The following LRRC4C variants were observed in gnomAD, a reference collection of about 807,000 sequenced individuals.
LRRC4C encodes leucine rich repeat containing 4C.
A neutral mutation model predicts 33.6 loss-of-function variants in LRRC4C; 5 were observed. The observed-to-expected ratio is 0.15, with a 90% CI of 0.08 to 0.31. LRRC4C has a LOEUF of 0.31. LRRC4C is among the 10% of genes least tolerant of loss of function. LRRC4C has a pLI of 1.00. For synonymous variants in LRRC4C, 329 were observed against 302.0 expected, an observed-to-expected ratio of 1.09 and a Z score of -0.93; for missense variants, 560 against 796.7, an observed-to-expected ratio of 0.70 and a Z score of 3.58.
chr11:40,941,926 T>C (rs1958166726), intron 1 of LRRC4C, among the ~76,000 whole-genome samples: 1 of 152,100 alleles, frequency 6.6e-6, no homozygotes, highest in Non-Finnish European at 1.5e-5. Context: ...GCTATGTTAG[T>C]TCAAGTCCAT....
intron 2 of LRRC4C, among the ~76,000 whole-genome samples, chr11:40,748,840 T>C (rs1470181142): frequency 6.6e-6 from 1 of 152,104 alleles, no homozygotes; most frequent in African/African-American, 2.4e-5. Context: ...TATACATATA[T>C]TGATTAAACC....
chr11:40,342,103 A>G (rs1371279814), intron 3 of LRRC4C, among the ~76,000 whole-genome samples: 3 of 152,212 alleles, frequency 2.0e-5, no homozygotes, highest in Non-Finnish European at 4.4e-5. Context: ...TGAAAAATTA[A>G]ACATCTCCAG....
intron 5 of LRRC4C, among the ~76,000 whole-genome samples, chr11:40,146,910 A>G (rs1857781192): frequency 6.6e-6 from 1 of 152,144 alleles, no homozygotes; most frequent in Non-Finnish European, 1.5e-5. Flanking sequence ...TCTAGGTTGC[A>G]TTGGTATAGC....
chr11:41,249,665 C>T (rs78737479), intron 1 of LRRC4C, among the ~76,000 whole-genome samples: 2,875 of 152,196 alleles, frequency 0.019, 93 homozygotes, highest in African/African-American at 0.066. Flanking sequence ...CACTTGCTGC[C>T]GTAACTGCTT....
rs111759484 is a variant in LRRC4C, at chr11:40,138,481, A to T, written c.-43+2320T>A. Among the ~76,000 whole-genome samples, 797 of 152,322 alleles carry T rather than the reference A, an allele frequency of 5.2e-3. 12 individuals carry two copies. The highest frequency in any genetic ancestry group is 0.017 in the African/African-American group (697 of 41,564). ...TGTACTAGCTGTAGTATCACATCTAATCCTAACCAAACCTCATGGCTTAGA... is the reference window on the plus strand; with the variant it reads ...TGTACTAGCTGTAGTATCACATCTATTCCTAACCAAACCTCATGGCTTAGA... On this transcript the variant is annotated intron_variant, in intron 6 of 6. Coordinates refer to ENST00000528697, the MANE Select transcript of LRRC4C (RefSeq NM_001258419.2).
In LRRC4C at chr11:40,361,395, C is replaced by G. The variant is rs369941661; in HGVS notation, c.-269-41674G>C. Among the ~76,000 whole-genome samples the G allele has an allele frequency of 4.7e-4, 71 of 152,222 alleles. 2 individuals carry two copies. The highest frequency in any genetic ancestry group is 1.6e-3 in the African/African-American group (67 of 41,560). ...ATACAAAATTTATGTGCAAAAATTG[C>G]CAGCATTTCTATACACCAACGACAG... is the stretch of plus-strand genomic sequence containing the variant. On this transcript the variant is annotated intron_variant, in intron 3 of 6. Transcript: ENST00000528697.
chr11:40,284,133 T>C (rs1305773100), intron 4 of LRRC4C, among the ~76,000 whole-genome samples: 1 of 152,156 alleles, frequency 6.6e-6, no homozygotes, highest in Admixed American at 6.5e-5. Context: ...TCAGTGGGCT[T>C]AGGGGAGCTG....
At chr11:40,517,485 A>T (rs1171658685) in intron 3 of LRRC4C, among the ~76,000 whole-genome samples, 2 of 152,186 alleles carry the variant, frequency 1.3e-5, no homozygotes, top group Middle Eastern at 3.2e-3. Flanking sequence ...GCAGAGGTTG[A>T]TAAGTTTCTC....
chr11:40,698,866 CA>C (rs1243038170), intron 2 of LRRC4C, among the ~76,000 whole-genome samples: 1 of 152,076 alleles, frequency 6.6e-6, no homozygotes, highest in Non-Finnish European at 1.5e-5. Flanking sequence ...GAGACGTATT[CA>C]CTACCAGGAG....
intron 4 of LRRC4C, among the ~76,000 whole-genome samples, chr11:40,258,886 G>A (rs1020579): frequency 0.5 from 75,482 of 151,990 alleles, 20,552 homozygotes; most frequent in East Asian, 0.74. Context: ...ATCACCATAA[G>A]GAATGACAGA....
chr11:40,208,144 C>A (rs542117409), intron 5 of LRRC4C, among the ~76,000 whole-genome samples: 11 of 152,218 alleles, frequency 7.2e-5, no homozygotes, highest in Middle Eastern at 3.4e-3. Context: ...CCCTTATGCA[C>A]ATATAAAAAT....
At chr11:40,786,550 A>G (rs1315880369) in intron 2 of LRRC4C, among the ~76,000 whole-genome samples, 1 of 152,150 alleles carries the variant, frequency 6.6e-6, no homozygotes, top group Non-Finnish European at 1.5e-5. Context: ...TACCTCTGAG[A>G]GTTTTTTGAT....
intron 2 of LRRC4C, among the ~76,000 whole-genome samples, chr11:40,704,778 C>T (rs1375673219): frequency 1.3e-5 from 2 of 152,038 alleles, no homozygotes; most frequent in East Asian, 3.8e-4. Context: ...TAAATATTAG[C>T]TATTATTAAC....
In LRRC4C at chr11:40,919,603, C is replaced by G. The variant is rs545483952; in HGVS notation, c.-407+14032G>C. ...CCTCATCTGCTTATTATCTTACTGT[C>G]TGTCTCCTTCCACAAATTTGTAAGA... On this transcript the variant is annotated intron_variant, in intron 2 of 6. Transcript: ENST00000528697. Among the ~76,000 whole-genome samples the G allele has an allele frequency of 2.0e-5, 3 of 152,228 alleles. No homozygotes were observed. In the East Asian group the frequency reaches 5.8e-4, roughly 29 times the overall value.
intron 1 of LRRC4C, among the ~76,000 whole-genome samples, chr11:41,015,858 G>T (rs1038541967): frequency 5.3e-4 from 81 of 152,142 alleles, no homozygotes; most frequent in African/African-American, 1.7e-3. Context: ...AAATTTATCC[G>T]GGCGTGGTGG....
At chr11:41,214,527 C>T (rs1946954689) in intron 1 of LRRC4C, among the ~76,000 whole-genome samples, 1 of 138,170 alleles carries the variant, frequency 7.2e-6, no homozygotes, top group Non-Finnish European at 1.5e-5. Context: ...GTCAGGAGAT[C>T]GAGACTAACC....
intron 2 of LRRC4C, among the ~76,000 whole-genome samples, chr11:40,649,070 G>A (rs1401574065): frequency 6.6e-6 from 1 of 152,100 alleles, no homozygotes; most frequent in Non-Finnish European, 1.5e-5. Context: ...AGGACAAAAG[G>A]CAAAACAAAA....
intron 5 of LRRC4C, among the ~76,000 whole-genome samples, chr11:40,216,248 T>C (rs1020359285): frequency 6.6e-6 from 1 of 152,172 alleles, no homozygotes; most frequent in African/African-American, 2.4e-5. Flanking sequence ...TCCTTCCCTT[T>C]CCTCTTGCAT....
chr11:40,720,300 AT>A (rs1171429256), intron 2 of LRRC4C, among the ~76,000 whole-genome samples: 1 of 152,066 alleles, frequency 6.6e-6, no homozygotes, highest in African/African-American at 2.4e-5. Context: ...CTTTTATTTC[AT>A]TTTTAGGTAA....
Sources: gnomAD v4.1 joint callset for allele counts (sites outside exome capture counted in the v4.1 genomes callset) on GRCh38, gnomAD v4.1.1 for gene constraint, MANE v1.5 for transcripts, NCBI Gene and HGNC (gene_info 2026-07-23, HGNC 2026-07-21) for gene names.